Variants in LZTS1 observed in about 807,000 individuals in gnomAD.
LZTS1 encodes leucine zipper putative tumor suppressor 1.
A neutral mutation model predicts 45.8 loss-of-function variants in LZTS1; 31 were observed. The observed-to-expected ratio is 0.68, with a 90% CI of 0.51 to 0.91. The LOEUF (loss-of-function observed/expected upper bound fraction) is 0.91, where lower values mean the gene tolerates loss of function less well. LZTS1 is among the 40% of genes least tolerant of loss of function. The pLI, the probability that LZTS1 is intolerant of heterozygous loss-of-function variation, is 0.00. For missense variants in LZTS1, 821 were observed against 788.9 expected (o/e 1.04, Z -0.49); for synonymous variants, 359 against 357.3 (o/e 1.00, Z -0.05).
At chr8:20,284,121 C>A (rs867902686) in intron 1 of LZTS1, among the ~76,000 whole-genome samples, 1 of 152,188 alleles carries the variant, frequency 6.6e-6, no homozygotes, top group Non-Finnish European at 1.5e-5. Flanking sequence ...GTCATTCTCT[C>A]TGGGGCTTCC....
intron 1 of LZTS1, among the ~76,000 whole-genome samples, chr8:20,282,974 T>C (rs554461405): frequency 2.6e-5 from 4 of 152,274 alleles, no homozygotes; most frequent in African/African-American, 9.6e-5. Context: ...TAGAATAAAA[T>C]AGGACACTTT....
intron 1 of LZTS1, among the ~76,000 whole-genome samples, chr8:20,275,089 T>C (rs1800551491): frequency 6.6e-6 from 1 of 152,052 alleles, no homozygotes; most frequent in South Asian, 2.1e-4. Context: ...AAGAGATGGA[T>C]AACTCATTAA....
chr8:20,283,100 C>T (rs1800725958), intron 1 of LZTS1, among the ~76,000 whole-genome samples: 1 of 152,182 alleles, frequency 6.6e-6, no homozygotes, highest in African/African-American at 2.4e-5. Flanking sequence ...GTGATCTCCC[C>T]AGTGGCTTCA....
chr8:20,270,612 T>A (rs4598258), intron 1 of LZTS1, among the ~76,000 whole-genome samples: 37,439 of 151,944 alleles, frequency 0.25, 5,379 homozygotes, highest in East Asian at 0.5. Flanking sequence ...GGGCTTTGGT[T>A]TGGACAGGGA....
intron 1 of LZTS1, among the ~76,000 whole-genome samples, chr8:20,272,233 A>G (rs1800487778): frequency 6.6e-6 from 1 of 152,132 alleles, no homozygotes; most frequent in Non-Finnish European, 1.5e-5. Context: ...GGCTAGAATG[A>G]CTGGGCCTGC....
intron 1 of LZTS1, among the ~76,000 whole-genome samples, chr8:20,294,899 TC>T (rs34637885): frequency 6.6e-6 from 1 of 151,832 alleles, no homozygotes; most frequent in Non-Finnish European, 1.5e-5. Flanking sequence ...TCAGGGCTCA[TC>T]CCCATATCCC....
Position 20,255,211 on chromosome 8 carries a change from C to T in LZTS1, c.-30G>A, listed in dbSNP as rs910196489. 1.3e-6 allele frequency: 2 copies of T among 1,589,702 alleles called. No individual in the cohort carries two copies. The highest frequency in any genetic ancestry group is 1.7e-6 in the Non-Finnish European group (2 of 1,169,186). On this transcript the variant is annotated 5_prime_UTR_variant, in exon 2 of 4. Coordinates refer to ENST00000381569, the MANE Select transcript of LZTS1 (RefSeq NM_021020.5). ...ACTCGGGGCTGAGGATGGGGCAGGGCCGGGCAGGGTCTTGGAAAGGCTGTG... is the reference window on the plus strand; with the variant it reads ...ACTCGGGGCTGAGGATGGGGCAGGGTCGGGCAGGGTCTTGGAAAGGCTGTG...
chr8:20,293,687 C>G (rs1800937543), intron 1 of LZTS1, among the ~76,000 whole-genome samples: 1 of 152,174 alleles, frequency 6.6e-6, no homozygotes, highest in Admixed American at 6.5e-5. Context: ...AATCCCAGCA[C>G]TTTGGGAGGT....
chr8:20,255,248 C>G lies in LZTS1; in HGVS notation c.-67G>C. 6.5e-7 allele frequency: 1 copy of G among 1,536,770 alleles called. No homozygotes were observed. The highest frequency in any genetic ancestry group is 8.7e-7 in the Non-Finnish European group (1 of 1,146,044). On this transcript the variant is annotated 5_prime_UTR_variant, in exon 2 of 4. Transcript: ENST00000381569. Reference sequence around the variant, plus strand: ...TTGGAAAGGCTGTGGCAGCAAGGGGCAGTCGTGGCTCCGTGAGGGGACTGA... The same window carrying G: ...TTGGAAAGGCTGTGGCAGCAAGGGGGAGTCGTGGCTCCGTGAGGGGACTGA...
At chr8:20,280,417 C>T (rs1210365333) in intron 1 of LZTS1, among the ~76,000 whole-genome samples, 1 of 152,090 alleles carries the variant, frequency 6.6e-6, no homozygotes, top group Non-Finnish European at 1.5e-5. Context: ...TGTGAAAGGC[C>T]CCCTTACAAC....
intron 1 of LZTS1, among the ~76,000 whole-genome samples, chr8:20,283,635 C>T (rs1216633136): frequency 6.6e-6 from 1 of 152,128 alleles, no homozygotes; most frequent in Non-Finnish European, 1.5e-5. Flanking sequence ...TTCCTCCACA[C>T]CTGGTTGTTC....
chr8:20,256,632 T>C (rs933131805), intron 1 of LZTS1, among the ~76,000 whole-genome samples: 10 of 152,106 alleles, frequency 6.6e-5, no homozygotes, highest in African/African-American at 2.4e-4. Context: ...AAAACAGTTT[T>C]CAATGTAATT....
chr8:20,255,792 C>T (rs1428687856), intron 1 of LZTS1, among the ~76,000 whole-genome samples: 1 of 151,966 alleles, frequency 6.6e-6, no homozygotes, highest in Non-Finnish European at 1.5e-5. Context: ...AATGAGGGGG[C>T]AGCCAGGCAT....
At chr8:20,288,987 G>T (rs921449468) in intron 1 of LZTS1, among the ~76,000 whole-genome samples, 6 of 119,698 alleles carry the variant, frequency 5.0e-5, no homozygotes, top group Admixed American at 8.9e-5. Context: ...ATAGCAGCTG[G>T]TTTTTTTTTT....
At chr8:20,262,593 G>T (rs1406904664) in intron 1 of LZTS1, among the ~76,000 whole-genome samples, 2 of 152,154 alleles carry the variant, frequency 1.3e-5, no homozygotes, top group Admixed American at 6.5e-5. Context: ...GCCCTTATCG[G>T]GAACAGCATG....
rs1469372382 is a variant in LZTS1 at position 20,247,919 on chromosome 8, G to A, written c.*1803C>T. On this transcript the variant is annotated 3_prime_UTR_variant, in exon 4 of 4. Coordinates refer to ENST00000381569, the MANE Select transcript of LZTS1 (RefSeq NM_021020.5). ...CATGTGGGAAGGGATGCTGTCCTGA[G>A]AACAGCAGCTGTGGCTACAGTCAAA... 1.3e-5 allele frequency: 2 copies of A among 152,702 alleles called. No homozygotes were observed. Among genetic ancestry groups the A allele is most frequent in the Non-Finnish European group, 2.9e-5 (2 of 68,070 alleles). The allele number at this position is 152,702 out of a possible 1,614,324, so 9.5% of individuals were successfully genotyped here. A position where few individuals can be genotyped will look rare whatever the true frequency, so the allele number is the denominator to read the frequency against.
intron 1 of LZTS1, among the ~76,000 whole-genome samples, chr8:20,302,042 C>T (rs976491357): frequency 6.6e-6 from 1 of 152,102 alleles, no homozygotes. Context: ...CACATCCACC[C>T]AGCTGAGACC....
At position 20,250,215 on chromosome 8, in the gene LZTS1, G is replaced by A. The variant is rs768951518; in HGVS notation, c.1298C>T (p.Thr433Ile). The change falls in exon 4 of 4, where the codon ACC (threonine) becomes ATC (isoleucine). Residue 433 changes from threonine (T) to isoleucine (I), a missense_variant. Coordinates refer to ENST00000381569, the MANE Select transcript of LZTS1 (RefSeq NM_021020.5). ...GCGCAGGGCGCCCTCCAGGTCCTGG[G>A]TCCTCAGCTCCAGGCCCTCCAGCTT... is the stretch of plus-strand genomic sequence containing the variant. ...RGKLEGLELR[T>I]QDLEGALRTK... is the part of the protein sequence containing the mutation. The A allele has an allele frequency of 6.2e-7, 1 of 1,612,606 alleles. No homozygotes were observed. Among genetic ancestry groups the A allele is most frequent in the Non-Finnish European group, 8.5e-7 (1 of 1,179,978 alleles).
chr8:20,265,974 A>G (rs1192744204), intron 1 of LZTS1, among the ~76,000 whole-genome samples: 1 of 152,182 alleles, frequency 6.6e-6, no homozygotes, highest in East Asian at 1.9e-4. Context: ...GCTTCTTTGT[A>G]TCACACACAG....
Sources: gnomAD v4.1 joint callset for allele counts (sites outside exome capture counted in the v4.1 genomes callset) on GRCh38, gnomAD v4.1.1 for gene constraint, MANE v1.5 for transcripts, NCBI Gene and HGNC (gene_info 2026-07-23, HGNC 2026-07-21) for gene names.